Variants in HLA-DRB5 observed in about 807,000 individuals in gnomAD.
HLA-DRB5 encodes the protein major histocompatibility complex, class II, DR beta 5.
HLA-DRB5 carries 11 observed loss-of-function variants against 22.4 expected under a neutral mutation model. That is an observed-to-expected ratio of 0.49 (90% CI 0.31 to 0.81). The LOEUF is 0.81. Ranked by LOEUF, HLA-DRB5 falls within the 40% of genes least tolerant of loss-of-function variation. The pLI is 0.05. For missense variants in HLA-DRB5, 106 were observed against 274.4 expected (o/e 0.39, Z 4.34); for synonymous variants, 57 against 106.0 (o/e 0.54, Z 2.84).
At chr6:32,528,322 C>T (rs180676269) in intron 1 of HLA-DRB5, among the ~76,000 whole-genome samples, 66,437 of 99,686 alleles carry the variant, frequency 0.67, 19,572 homozygotes, top group Middle Eastern at 0.74. Context: ...GTCTCCTCCA[C>T]TCTTGTGTAA....
rs115417906 is a variant in HLA-DRB5, at chr6:32,522,045, C to A, written c.230G>T (p.Arg77Leu). The A allele has an allele frequency of 8.1e-7, 1 of 1,234,420 alleles. No homozygotes were observed. The highest frequency in any genetic ancestry group is 1.1e-6 in the Non-Finnish European group (1 of 893,596). 76.5% of individuals were successfully genotyped at this position (1,234,420 alleles called of 1,614,324 possible). The change falls in exon 2 of 6, where the codon CGG becomes CTG. Residue 77 changes from arginine (R) to leucine (L), a missense_variant. Physicochemically the swap from Arg to Leu is moderately radical, Grantham distance 102. Coordinates refer to ENST00000374975, the MANE Select transcript of HLA-DRB5 (RefSeq NM_002125.4). The part of the protein sequence containing the change: ...LRFDSDVGEY[R>L]AVTELGRPDA... ...AGGCCGCCCCAGCTCCGTCACCGCCCGGTACTCCCCCACGTCGCTGTCGAA... is the reference window on the plus strand; with the variant it reads ...AGGCCGCCCCAGCTCCGTCACCGCCAGGTACTCCCCCACGTCGCTGTCGAA...
At chr6:32,523,232 A>C (rs114416006) in intron 1 of HLA-DRB5, among the ~76,000 whole-genome samples, 1,054 of 33,858 alleles carry the variant, frequency 0.031, 79 homozygotes, top group Middle Eastern at 0.089. Flanking sequence ...AAATTTGTTC[A>C]TAAAACTTAT....
chr6:32,525,877 T>TGTATGCTATG (rs1220204228), intron 1 of HLA-DRB5, among the ~76,000 whole-genome samples: 1 of 91,408 alleles, frequency 1.1e-5, no homozygotes, highest in African/African-American at 4.7e-5. Flanking sequence ...AACTGGTATA[T>TGTATGCTATG]TCTAAGTCAC....
intron 2 of HLA-DRB5, among the ~76,000 whole-genome samples, chr6:32,520,758 A>ATAAATTTCGCAATATATTTG (rs1562429416): frequency 4.1e-5 from 2 of 49,136 alleles, no homozygotes; most frequent in Non-Finnish European, 8.3e-5. Context: ...AACCATTAAT[A>ATAAATTTCGCAATATATTTG]AAAGTTTTGG....
intron 1 of HLA-DRB5, among the ~76,000 whole-genome samples, chr6:32,524,002 C>T (rs796385866): frequency 0.41 from 16,051 of 38,914 alleles, 4,435 homozygotes; most frequent in Middle Eastern, 0.61. Context: ...CCAAAAATTG[C>T]TCAAACATTG....
chr6:32,522,743 G>T (rs140187961), intron 1 of HLA-DRB5, among the ~76,000 whole-genome samples: 2,082 of 49,582 alleles, frequency 0.042, 2 homozygotes, highest in Middle Eastern at 0.11. Flanking sequence ...AATGAGAAAT[G>T]TCTGAAGTGT....
Position 32,521,970 on chromosome 6 carries a change from G to GTC in HLA-DRB5, c.304_305insGA (p.Ala102GlyfsTer28). 1.3e-6 allele frequency: 1 copy of GTC among 761,554 alleles called. No individual in the cohort carries two copies. Among genetic ancestry groups the GTC allele is most frequent in the Non-Finnish European group, 1.7e-6 (1 of 573,018 alleles). 47.2% of individuals were successfully genotyped at this position (761,554 alleles called of 1,614,324 possible). ...GTGTCTGCAGTAGGTGTCCACCGCGGCGCGCCTGTCTTCCAGGAAGTCCTT... is the reference window on the plus strand; with the variant it reads ...GTGTCTGCAGTAGGTGTCCACCGCGGTCCGCGCCTGTCTTCCAGGAAGTCCTT... On this transcript the variant is annotated frameshift_variant, in exon 2 of 6. Coordinates refer to ENST00000374975, the MANE Select transcript of HLA-DRB5 (RefSeq NM_002125.4). LOFTEE classifies it high-confidence loss of function.
At position 32,519,256 on chromosome 6, in the gene HLA-DRB5, A is replaced by G. The variant is rs879149034; in HGVS notation, c.652+114T>C. 4.0e-4 allele frequency: 249 copies of G among 615,420 alleles called. 2 individuals carry two copies. The highest frequency in any genetic ancestry group is 3.9e-3 in the East Asian group (125 of 32,222). The allele number at this position is 615,420 out of a possible 1,614,324, so 38.1% of individuals were successfully genotyped here. A position where few individuals can be genotyped will look rare whatever the true frequency, so the allele number is the denominator to read the frequency against. ...CCAGTGACCTGTGCTAATGGAGATG[A>G]GAACATGGAGCAAATGAAAATAGGA... On this transcript the variant is annotated intron_variant, in intron 3 of 5. Coordinates refer to ENST00000374975, the MANE Select transcript of HLA-DRB5 (RefSeq NM_002125.4).
intron 2 of HLA-DRB5, among the ~76,000 whole-genome samples, chr6:32,520,933 G>T (rs139860555): frequency 5.7e-3 from 252 of 44,094 alleles, no homozygotes; most frequent in Middle Eastern, 0.019. Context: ...ACTAAGCCCT[G>T]GAGATAACAG....
chr6:32,521,319 T>G, intron 2 of HLA-DRB5, among the ~76,000 whole-genome samples: 1 of 129,050 alleles, frequency 7.7e-6, no homozygotes, highest in Non-Finnish European at 1.7e-5. Context: ...GCAAGAAATT[T>G]AGACCTAAAG....
rs1581592629 is a variant in HLA-DRB5, at chr6:32,522,387, G to A, written c.101-213C>T. On this transcript the variant is annotated intron_variant, in intron 1 of 5. Transcript: ENST00000374975. ...GGGACCAGGCAGGAAAACCCCTTCT[G>A]ATCCCAAGGCTTTTGGGACCCCCTC... 6.3e-5 allele frequency among the ~76,000 whole-genome samples: 3 copies of A among 47,646 alleles called. 1 individual carries two copies. In the South Asian group the frequency reaches 1.7e-3, roughly 27 times the overall value. The allele number at this position is 47,646 out of a possible 152,430, so 31.3% of individuals were successfully genotyped here.
At chr6:32,519,101 T>G (rs201843924) in intron 3 of HLA-DRB5, among the ~76,000 whole-genome samples, 28,266 of 82,170 alleles carry the variant, frequency 0.34, 2,577 homozygotes, top group Middle Eastern at 0.49. Flanking sequence ...TCTGGAGCCC[T>G]GGGAGAGGGG....
rs770709838 is a variant in HLA-DRB5 at position 32,521,971 on chromosome 6, CGCG to C, written c.301_303del (p.Arg101del). 137,014 of 1,345,032 alleles carry C rather than the reference CGCG, an allele frequency of 0.1. 20,712 individuals carry two copies. The highest frequency in any genetic ancestry group is 0.12 in the African/African-American group (8,053 of 64,780). The allele number at this position is 1,345,032 out of a possible 1,614,324, so 83.3% of individuals were successfully genotyped here. ...TGTCTGCAGTAGGTGTCCACCGCGG[CGCG>C]CCTGTCTTCCAGGAAGTCCTTCTGG... On this transcript the variant is annotated inframe_deletion, in exon 2 of 6. Coordinates refer to ENST00000374975, the MANE Select transcript of HLA-DRB5 (RefSeq NM_002125.4).
chr6:32,523,999 T>G (rs183251031), intron 1 of HLA-DRB5, among the ~76,000 whole-genome samples: 4,715 of 54,422 alleles, frequency 0.087, 592 homozygotes, highest in East Asian at 0.11. Flanking sequence ...CAACCAAAAA[T>G]TGCTCAAACA....
In HLA-DRB5 at chr6:32,530,115, G is replaced by T. The variant is rs773428210; in HGVS notation, c.100+10C>A. The T allele has an allele frequency of 6.5e-7, 1 of 1,533,490 alleles. No individual in the cohort carries two copies. The highest frequency in any genetic ancestry group is 1.7e-5 in the Admixed American group (1 of 58,806). 95.0% of individuals were successfully genotyped at this position (1,533,490 alleles called of 1,614,324 possible). On this transcript the variant is annotated intron_variant, in intron 1 of 5. Transcript: ENST00000374975. ...CCCATAGTAGCTCAGCACCCACAAT[G>T]TGCACTTACGTCGGGTGTCCCCAGC...
At chr6:32,525,703 A>C (rs1769527579) in intron 1 of HLA-DRB5, among the ~76,000 whole-genome samples, 1 of 116,398 alleles carries the variant, frequency 8.6e-6, no homozygotes, top group Non-Finnish European at 1.8e-5. Context: ...GATTCCAGAG[A>C]TGTACATGTT....
chr6:32,530,128 G>A lies in HLA-DRB5; in HGVS notation c.97C>T (p.Arg33Ter), dbSNP rs71549219. ...SSPLALAGDTRPRFLQQDKYE... is the reference protein window; with the variant it reads ...SSPLALAGDT ...AGCACCCACAATGTGCACTTACGTC[G>A]GGTGTCCCCAGCCAAAGCCAGTGGG... The change falls in exon 1 of 6, where the codon CGA (arginine) becomes TGA (stop). Residue 33 changes from arginine to a stop codon, truncating the protein, a stop_gained. Transcript: ENST00000374975. LOFTEE classifies it high-confidence loss of function. The A allele has an allele frequency of 0.18, 233,673 of 1,292,910 alleles. 281 individuals carry two copies. Among genetic ancestry groups the A allele is most frequent in the East Asian group, 0.25 (9,259 of 36,398 alleles). The allele number at this position is 1,292,910 out of a possible 1,614,324, so 80.1% of individuals were successfully genotyped here. A position where few individuals can be genotyped will look rare whatever the true frequency, so the allele number is the denominator to read the frequency against.
At chr6:32,525,451 C>A (rs201498380) in intron 1 of HLA-DRB5, among the ~76,000 whole-genome samples, 5,539 of 46,974 alleles carry the variant, frequency 0.12, 183 homozygotes, top group East Asian at 0.15. Flanking sequence ...CAATTAGTAT[C>A]TTCATCATGA....
In HLA-DRB5 at chr6:32,521,908, G is replaced by T. The variant is rs1231480697; in HGVS notation, c.367C>A (p.Arg123=). 2.6e-6 allele frequency: 4 copies of T among 1,511,086 alleles called. No homozygotes were observed. The highest frequency in any genetic ancestry group is 3.6e-6 in the Non-Finnish European group (4 of 1,106,660). 93.6% of individuals were successfully genotyped at this position (1,511,086 alleles called of 1,614,324 possible). A position where few individuals can be genotyped will look rare whatever the true frequency, so the allele number is the denominator to read the frequency against. The stretch of plus-strand genomic sequence containing the variant: ...CCCCGCCCCCCACCATGCTCACCTC[G>T]CCGCTGCACTGTGAAGCTCTCACCA... The part of the protein sequence containing the change: ...GVGESFTVQR[R]VEPKVTVYPA... Residue 123 remains arginine, a synonymous_variant, in exon 2 of 6, where the codon CGA becomes AGA. Coordinates refer to ENST00000374975, the MANE Select transcript of HLA-DRB5 (RefSeq NM_002125.4).
Sources: allele counts gnomAD v4.1 joint callset (sites outside exome capture counted in the v4.1 genomes callset), GRCh38; gene constraint gnomAD v4.1.1; transcripts MANE v1.5; gene names NCBI Gene and HGNC (gene_info 2026-07-23, HGNC 2026-07-21).